Variants in TDP2 observed in about 807,000 individuals in gnomAD.
TDP2 encodes tyrosyl-DNA phosphodiesterase 2.
Under a neutral mutation model 42.8 loss-of-function variants are expected in TDP2, and 38 were observed. That is an observed-to-expected ratio of 0.89 (90% confidence interval 0.68 to 1.16). The LOEUF (loss-of-function observed/expected upper bound fraction) is 1.16, where lower values mean the gene tolerates loss of function less well. Among genes scored for constraint, TDP2 ranks in the 50% most tolerant of loss-of-function variants. The pLI, the probability that TDP2 is intolerant of heterozygous loss-of-function variation, is 0.00. For synonymous variants in TDP2, 173 were observed against 150.6 expected, an observed-to-expected ratio of 1.15 and a Z score of -1.09; for missense variants, 439 against 439.3, an observed-to-expected ratio of 1.00 and a Z score of 0.01.
rs758993809 is a variant in TDP2 at position 24,650,996 on chromosome 6, T to C, written c.881A>G (p.Gln294Arg). 6.2e-7 allele frequency: 1 copy of C among 1,613,976 alleles called. No homozygotes were observed. The highest frequency in any genetic ancestry group is 1.7e-5 in the Admixed American group (1 of 60,006). Residue 294 changes from glutamine to arginine, a missense_variant, in exon 7 of 7, where the codon CAG becomes CGG. Transcript: ENST00000378198. ...WEFLGKPKHC[Q>R]YTWDTQMNSN... ...GTTCATTTGTGTATCCCATGTATAC[T>C]GGCAATGTTTAGGTTTGCCCAAAAA...
chr6:24,664,534 GTTCAAT>G (rs1266400810), intron 2 of TDP2, among the ~76,000 whole-genome samples: 1 of 152,098 alleles, frequency 6.6e-6, no homozygotes, highest in Admixed American at 6.5e-5. Context: ...TCACTTTAGT[GTTCAAT>G]TTCAATTTTT....
At chr6:24,653,261 G>T in intron 5 of TDP2, 108 bp from the exon 6 acceptor site, 1 of 1,168,124 alleles carries the variant, frequency 8.6e-7, no homozygotes. Context: ...TTACTAAACT[G>T]AAACTGTAAA....
chr6:24,651,569 C>T (rs1371700903), intron 6 of TDP2, among the ~76,000 whole-genome samples: 1 of 151,572 alleles, frequency 6.6e-6, no homozygotes, highest in Non-Finnish European at 1.5e-5. Context: ...AAAATATACA[C>T]AATACAAGAT....
rs36036133 is a variant in TDP2 at position 24,651,594 on chromosome 6, A to ATT, written c.808-527_808-526dup. On this transcript the variant is annotated intron_variant, in intron 6 of 6. Coordinates refer to ENST00000378198, the MANE Select transcript of TDP2 (RefSeq NM_016614.3). ...CAATACAAGATTTATCATTTTAACA[A>ATT]TTTTTTTTTTTTTTGAGGTGGGAGT... 5.4e-4 allele frequency among the ~76,000 whole-genome samples: 80 copies of ATT among 147,368 alleles called. 1 individual carries two copies. The highest frequency in any genetic ancestry group is 7.9e-4 in the East Asian group (4 of 5,068).
Position 24,666,855 on chromosome 6 carries a change from A to C in TDP2, c.8T>G (p.Leu3Trp), listed in dbSNP as rs777517528. Reference protein sequence around the residue: MELGSCLEGGREA... With the variant: MEWGSCLEGGREA... ...CCTCCCGCCCTCCAGGCAACTCCCC[A>C]ACTCCATCTTCCTGCCGCCTCTGCA... is the stretch of plus-strand genomic sequence containing the variant. Residue 3 changes from leucine (L) to tryptophan (W), a missense_variant, in exon 1 of 7, where the codon TTG becomes TGG. By Grantham distance (61) the Leu-to-Trp change is moderately conservative. Coordinates refer to ENST00000378198, the MANE Select transcript of TDP2 (RefSeq NM_016614.3). 2 of 1,613,630 alleles carry C rather than the reference A, an allele frequency of 1.2e-6. No individual in the cohort carries two copies. Among genetic ancestry groups the C allele is most frequent in the East Asian group, 2.2e-5 (1 of 44,870 alleles).
chr6:24,666,157 TAAAC>T (rs1283036780), intron 2 of TDP2: 5 of 1,550,404 alleles, frequency 3.2e-6, no homozygotes, highest in African/African-American at 2.7e-5. Context: ...CTAGAATAAA[TAAAC>T]AATACAGGAA....
chr6:24,658,637 T>C lies in TDP2; in HGVS notation c.349A>G (p.Ile117Val), dbSNP rs993194887. The C allele has an allele frequency of 4.3e-6, 7 of 1,613,862 alleles. No homozygotes were observed. Among genetic ancestry groups the C allele is most frequent in the Non-Finnish European group, 5.9e-6 (7 of 1,179,892 alleles). The change falls in exon 3 of 7, where the codon ATT becomes GTT. Residue 117 changes from isoleucine to valine, a missense_variant. Transcript: ENST00000378198. ...QQENGSMFSL[I>V]TWNIDGLDLN... The stretch of plus-strand genomic sequence containing the variant: ...TCTAATCCATCAATATTCCAGGTAA[T>C]GAGAGAGAACATGCTGCCATTTTCT...
At chr6:24,665,200 G>A (rs1437632032) in intron 2 of TDP2, among the ~76,000 whole-genome samples, 1 of 152,102 alleles carries the variant, frequency 6.6e-6, no homozygotes. Flanking sequence ...CAGCTTCTCT[G>A]TACACAAAAA....
At chr6:24,652,062 T>G (rs1777984209) in intron 6 of TDP2, among the ~76,000 whole-genome samples, 1 of 152,242 alleles carries the variant, frequency 6.6e-6, no homozygotes, top group Non-Finnish European at 1.5e-5. Flanking sequence ...AACACCATTC[T>G]ACTTTCTGTC....
intron 2 of TDP2, chr6:24,658,987 T>C (rs905508769): frequency 3.0e-6 from 1 of 335,870 alleles, no homozygotes; most frequent in Non-Finnish European, 5.4e-6. Flanking sequence ...ATGACTTGCA[T>C]CCCCATTGCT....
chr6:24,659,671 A>C (rs1348882402), intron 2 of TDP2, among the ~76,000 whole-genome samples: 1 of 152,226 alleles, frequency 6.6e-6, no homozygotes, highest in Non-Finnish European at 1.5e-5. Flanking sequence ...CATATGTTAA[A>C]TAAGATCTCA....
chr6:24,651,189 A>G (rs998367579), intron 6 of TDP2, 120 bp from the exon 7 acceptor site: 18 of 750,604 alleles, frequency 2.4e-5, no homozygotes, highest in Middle Eastern at 3.8e-4. Flanking sequence ...CAGAAATGCA[A>G]AACAATGAGA....
intron 2 of TDP2, among the ~76,000 whole-genome samples, chr6:24,661,499 CT>C (rs2127618421): frequency 6.6e-6 from 1 of 152,276 alleles, no homozygotes; most frequent in African/African-American, 2.4e-5. Flanking sequence ...TTTTTTGCCC[CT>C]GCTCTGGAAT....
intron 5 of TDP2, among the ~76,000 whole-genome samples, chr6:24,653,512 A>AT (rs1778006689): frequency 6.6e-6 from 1 of 152,228 alleles, no homozygotes; most frequent in South Asian, 2.1e-4. Context: ...CTACAAAGCC[A>AT]TAAGTCATTT....
chr6:24,657,849 G>GT lies in TDP2; in HGVS notation c.479dup (p.Tyr160Ter), dbSNP rs1167547323. 2 of 1,582,414 alleles carry GT rather than the reference G, an allele frequency of 1.3e-6. No homozygotes were observed. Among genetic ancestry groups the GT allele is most frequent in the East Asian group, 4.6e-5 (2 of 43,524 alleles). Residue 160 changes from tyrosine to a stop codon, truncating the protein, a stop_gained and frameshift_variant, in exon 4 of 7, where the codon TAC becomes TAAC. Transcript: ENST00000378198. LOFTEE classifies it high-confidence loss of function. ...LQEVIPPYYS[Y>*]LKKRSSNYEI... ...CATAATTACTTGATCTCTTCTTTAG[G>GT]TAGCTATAATATGGGGGAATAACTT...
chr6:24,655,165 C>A (rs1196566353), intron 4 of TDP2, among the ~76,000 whole-genome samples: 1 of 152,082 alleles, frequency 6.6e-6, no homozygotes. Flanking sequence ...GAACTGTGGC[C>A]AGCTGATAGC....
In TDP2 at chr6:24,661,372, G is replaced by A. The variant is rs74356997; in HGVS notation, c.252-2638C>T. 3.4e-3 allele frequency among the ~76,000 whole-genome samples: 515 copies of A among 152,202 alleles called. 3 individuals carry two copies. Among genetic ancestry groups the A allele is most frequent in the African/African-American group, 0.011 (477 of 41,540 alleles). On this transcript the variant is annotated intron_variant, in intron 2 of 6. Transcript: ENST00000378198. ...TTGCTTGGGTTATACCAGATTTCAC[G>A]GGGAAAGGGTAGGCAGCTTTTAAGC...
intron 2 of TDP2, 73 bp downstream of exon 2, chr6:24,666,453 C>G: frequency 1.3e-6 from 2 of 1,528,464 alleles, no homozygotes; most frequent in Admixed American, 3.4e-5. Context: ...CACGGCAGGT[C>G]CCAGGACGCG....
At chr6:24,661,334 AC>A (rs1778144757) in intron 2 of TDP2, among the ~76,000 whole-genome samples, 1 of 151,998 alleles carries the variant, frequency 6.6e-6, no homozygotes, top group Admixed American at 6.6e-5. Flanking sequence ...ATCTATTCCT[AC>A]CAAGCATCCT....
Sources: allele counts gnomAD v4.1 joint callset (sites outside exome capture counted in the v4.1 genomes callset), GRCh38; gene constraint gnomAD v4.1.1; transcripts MANE v1.5; gene names NCBI Gene and HGNC (gene_info 2026-07-23, HGNC 2026-07-21).